Variants in COMMD10 observed in about 807,000 individuals in gnomAD.
COMMD10 encodes COMM domain-containing protein 10.
In COMMD10, 33 loss-of-function variants were observed where a neutral mutation model predicts 28.9. The observed-to-expected ratio is 1.14, with a 90% CI of 0.87 to 1.53. The LOEUF is 1.53. COMMD10 is among the 40% of genes most tolerant of loss of function. The pLI is 0.00. For missense variants in COMMD10, 310 were observed against 233.4 expected (o/e 1.33, Z -2.14); for synonymous variants, 110 against 81.7 (o/e 1.35, Z -1.87).
At chr5:116,255,010 A>C (rs1374830101) in intron 5 of COMMD10, among the ~76,000 whole-genome samples, 1 of 151,580 alleles carries the variant, frequency 6.6e-6, no homozygotes, top group Non-Finnish European at 1.5e-5. Flanking sequence ...TATTTAGGAT[A>C]GTTAGCTCTT....
chr5:116,278,070 A>C (rs1395900635), intron 5 of COMMD10, among the ~76,000 whole-genome samples: 1 of 151,824 alleles, frequency 6.6e-6, no homozygotes, highest in African/African-American at 2.4e-5. Context: ...AGATAGTAAC[A>C]CATGTCTTGA....
At chr5:116,275,223 C>T (rs1471381434) in intron 5 of COMMD10, among the ~76,000 whole-genome samples, 1 of 151,810 alleles carries the variant, frequency 6.6e-6, no homozygotes, top group Non-Finnish European at 1.5e-5. Flanking sequence ...GCTCTTAAAT[C>T]TGTATGTGTT....
intron 4 of COMMD10, among the ~76,000 whole-genome samples, chr5:116,104,485 A>G (rs1750769673): frequency 6.6e-6 from 1 of 152,196 alleles, no homozygotes; most frequent in African/African-American, 2.4e-5. Context: ...TGATTTTTGC[A>G]CATTGATTTT....
At chr5:116,282,842 C>T (rs1751108495) in intron 5 of COMMD10, among the ~76,000 whole-genome samples, 1 of 151,902 alleles carries the variant, frequency 6.6e-6, no homozygotes, top group Admixed American at 6.5e-5. Context: ...CAAACAAAGT[C>T]ACCTCCTGTG....
chr5:116,160,966 A>AT (rs988850847), intron 5 of COMMD10, among the ~76,000 whole-genome samples: 6 of 151,756 alleles, frequency 4.0e-5, no homozygotes, highest in Non-Finnish European at 7.4e-5. Context: ...AATTTCAGGT[A>AT]TTTTTTTCAT....
At chr5:116,113,895 C>G (rs1308332527) in intron 4 of COMMD10, among the ~76,000 whole-genome samples, 2 of 151,736 alleles carry the variant, frequency 1.3e-5, no homozygotes, top group Non-Finnish European at 2.9e-5. Flanking sequence ...TCTAGCACAT[C>G]TGGAACAATT....
intron 5 of COMMD10, among the ~76,000 whole-genome samples, chr5:116,144,262 G>A (rs1255515791): frequency 1.3e-5 from 2 of 151,848 alleles, no homozygotes; most frequent in African/African-American, 4.8e-5. Flanking sequence ...GATTGGGAAG[G>A]AACAGCCAAA....
chr5:116,160,475 A>G (rs1369407492), intron 5 of COMMD10, among the ~76,000 whole-genome samples: 1 of 152,204 alleles, frequency 6.6e-6, no homozygotes, highest in African/African-American at 2.4e-5. Flanking sequence ...TGTGATTGAT[A>G]AAGCTAGAAA....
chr5:116,123,086 C>T (rs1038421021), intron 4 of COMMD10, among the ~76,000 whole-genome samples: 2 of 152,120 alleles, frequency 1.3e-5, no homozygotes, highest in Admixed American at 1.3e-4. Flanking sequence ...CTAGTTTTTG[C>T]CCATTTGATA....
intron 5 of COMMD10, among the ~76,000 whole-genome samples, chr5:116,207,887 G>T (rs1484823602): frequency 3.9e-5 from 6 of 152,112 alleles, no homozygotes; most frequent in Non-Finnish European, 7.4e-5. Context: ...TCTTTTGGCT[G>T]TTATTTAATG....
Position 116,292,549 on chromosome 5 carries a change from A to G in COMMD10, c.*60A>G. ...GCCACCTCATTATTTTGCATTGAAG[A>G]TACATTGCCAGGTTGTGTTTTCTGA... is the stretch of plus-strand genomic sequence containing the variant. On this transcript the variant is annotated 3_prime_UTR_variant, in exon 7 of 7. Transcript: ENST00000274458. The G allele has an allele frequency of 2.8e-6, 4 of 1,404,726 alleles. No homozygotes were observed. Among genetic ancestry groups the G allele is most frequent in the Non-Finnish European group, 3.9e-6 (4 of 1,024,338 alleles). 87.0% of individuals were successfully genotyped at this position (1,404,726 alleles called of 1,614,324 possible).
rs1580608405 is a variant in COMMD10, at chr5:116,280,697, C to T, written c.511-10820C>T. The stretch of plus-strand genomic sequence containing the variant: ...AAGTAGAGTTTCATGGTTTATTTAG[C>T]CTATGGTGGAGCTGAAATTATATCT... On this transcript the variant is annotated intron_variant, in intron 5 of 6. Coordinates refer to ENST00000274458, the MANE Select transcript of COMMD10 (RefSeq NM_016144.4). Among the ~76,000 whole-genome samples, 3 of 151,676 alleles carry T rather than the reference C, an allele frequency of 2.0e-5. No homozygotes were observed. The South Asian group carries it at 6.3e-4, about 32-fold the overall frequency.
intron 5 of COMMD10, among the ~76,000 whole-genome samples, chr5:116,266,843 A>T (rs1180919143): frequency 1.3e-5 from 2 of 150,716 alleles, no homozygotes; most frequent in African/African-American, 4.9e-5. Flanking sequence ...CAAAGACAAA[A>T]ACGACAAGAT....
intron 5 of COMMD10, among the ~76,000 whole-genome samples, chr5:116,276,323 A>G (rs919057156): frequency 2.0e-5 from 3 of 151,688 alleles, no homozygotes; most frequent in African/African-American, 7.3e-5. Flanking sequence ...CACTATCTCA[A>G]CTTACTGTAA....
intron 5 of COMMD10, among the ~76,000 whole-genome samples, chr5:116,273,909 A>C (rs765643424): frequency 1.3e-5 from 2 of 151,752 alleles, no homozygotes; most frequent in Non-Finnish European, 1.5e-5. Flanking sequence ...GGTACAATTT[A>C]CTTTTTTTAA....
intron 4 of COMMD10, among the ~76,000 whole-genome samples, chr5:116,118,942 G>A (rs1224275366): frequency 6.6e-6 from 1 of 152,204 alleles, no homozygotes; most frequent in Non-Finnish European, 1.5e-5. Context: ...TGTGCTGTTA[G>A]CAAAATCACT....
intron 5 of COMMD10, among the ~76,000 whole-genome samples, chr5:116,255,173 A>G (rs1380599441): frequency 1.3e-5 from 2 of 151,408 alleles, no homozygotes; most frequent in Non-Finnish European, 2.9e-5. Flanking sequence ...CCATCCTTTT[A>G]TTTTGAGCCT....
Position 116,092,540 on chromosome 5 carries a change from A to T in COMMD10, c.244-5A>T. The T allele has an allele frequency of 6.5e-7, 1 of 1,547,022 alleles. No individual in the cohort carries two copies. Among genetic ancestry groups the T allele is most frequent in the African/African-American group, 1.4e-5 (1 of 72,964 alleles). On this transcript the variant is annotated splice_region_variant and splice_polypyrimidine_tract_variant and intron_variant, in intron 3 of 6. Transcript: ENST00000274458. ...CATATGTAATTTTTTGTTTCTTTTT[A>T]ATAGGCAGTGTATCACAATGTGAAG...
chr5:116,199,391 C>T (rs968305273), intron 5 of COMMD10, among the ~76,000 whole-genome samples: 12 of 152,106 alleles, frequency 7.9e-5, no homozygotes, highest in Non-Finnish European at 1.6e-4. Context: ...GATATTCTCT[C>T]CCAGTCATCT....
Sources: gnomAD v4.1 joint callset for allele counts (sites outside exome capture counted in the v4.1 genomes callset) on GRCh38, gnomAD v4.1.1 for gene constraint, MANE v1.5 for transcripts, NCBI Gene and HGNC (gene_info 2026-07-23, HGNC 2026-07-21) for gene names.